VTI1A: variants seen among roughly 807,000 people sequenced by gnomAD.
VTI1A encodes vesicle transport through interaction with t-SNAREs homolog 1A.
VTI1A carries 22 observed loss-of-function variants against 34.9 expected under a neutral mutation model. The ratio of observed to expected loss-of-function variants is 0.63; its 90% CI spans 0.45 to 0.90. The LOEUF is 0.90. Ranked by LOEUF, VTI1A falls within the 40% of genes least tolerant of loss-of-function variation. The pLI is 0.00. For synonymous variants in VTI1A, 87 were observed against 97.3 expected (o/e 0.89, Z 0.62); for missense variants, 268 against 275.6 (o/e 0.97, Z 0.20).
At chr10:112,681,332 C>CA (rs946561400) in intron 7 of VTI1A, among the ~76,000 whole-genome samples, 1 of 152,136 alleles carries the variant, frequency 6.6e-6, no homozygotes, top group Non-Finnish European at 1.5e-5. Flanking sequence ...CCTCTTGCCT[C>CA]AGCCCCCCAA....
intron 7 of VTI1A, among the ~76,000 whole-genome samples, chr10:112,673,268 GTCACA>G (rs1847913573): frequency 6.7e-6 from 1 of 149,646 alleles, no homozygotes; most frequent in Non-Finnish European, 1.5e-5. Flanking sequence ...GCGAGCCGAG[GTCACA>G]TCACTGCACT....
intron 3 of VTI1A, among the ~76,000 whole-genome samples, chr10:112,465,595 A>T (rs1472693012): frequency 6.6e-6 from 1 of 152,260 alleles, no homozygotes; most frequent in African/African-American, 2.4e-5. Context: ...ATGCTATGTG[A>T]AATAAGTCAC....
intron 3 of VTI1A, among the ~76,000 whole-genome samples, chr10:112,484,783 A>G (rs971532998): frequency 6.6e-5 from 10 of 151,788 alleles, no homozygotes; most frequent in African/African-American, 2.4e-4. Flanking sequence ...CAAACTTTTT[A>G]GGAGAAACAT....
intron 7 of VTI1A, among the ~76,000 whole-genome samples, chr10:112,700,144 A>AC (rs1848957189): frequency 6.6e-6 from 1 of 150,944 alleles, no homozygotes; most frequent in South Asian, 2.1e-4. Context: ...AACAAAACAA[A>AC]AAAAAAAAAA....
chr10:112,702,923 T>C (rs142003303), intron 7 of VTI1A, among the ~76,000 whole-genome samples: 1,697 of 152,302 alleles, frequency 0.011, 15 homozygotes, highest in South Asian at 0.042. Flanking sequence ...TATATTACTT[T>C]AGTAGGTACC....
chr10:112,815,488 CCTCT>C lies in VTI1A; in HGVS notation c.*111_*114del. The stretch of plus-strand genomic sequence containing the variant: ...GTTGCGCTGACAGGCCCCAGGTGAC[CCTCT>C]CTCTCCCTCACCGCCGTTGGGCTGA... On this transcript the variant is annotated 3_prime_UTR_variant, in exon 8 of 8. Transcript: ENST00000393077. The C allele has an allele frequency of 1.1e-6, 1 of 921,502 alleles. No homozygotes were observed. Among genetic ancestry groups the C allele is most frequent in the Admixed American group, 1.9e-5 (1 of 51,300 alleles). 57.1% of individuals were successfully genotyped at this position (921,502 alleles called of 1,614,324 possible).
intron 1 of VTI1A, among the ~76,000 whole-genome samples, chr10:112,460,070 C>T (rs1847681703): frequency 6.6e-6 from 1 of 152,142 alleles, no homozygotes; most frequent in Admixed American, 6.5e-5. Flanking sequence ...ACCTGATTCT[C>T]CATGCTACTG....
At chr10:112,848,252 G>T in the VTI1A span, among the ~76,000 whole-genome samples, 1 of 152,200 alleles carries the variant, frequency 6.6e-6, no homozygotes, top group Admixed American at 6.5e-5. Flanking sequence ...CCAGTTCTTT[G>T]TGTGGCCAGG....
intron 7 of VTI1A, among the ~76,000 whole-genome samples, chr10:112,676,586 T>C (rs1010635478): frequency 6.6e-6 from 1 of 152,190 alleles, no homozygotes; most frequent in Non-Finnish European, 1.5e-5. Flanking sequence ...TCTAGCCTTG[T>C]TTGCTGCTGC....
intron 5 of VTI1A, among the ~76,000 whole-genome samples, chr10:112,637,408 C>G (rs1282508765): frequency 6.6e-6 from 1 of 152,202 alleles, no homozygotes; most frequent in Non-Finnish European, 1.5e-5. Flanking sequence ...GTGGCTCACG[C>G]CTGTAATCCC....
intron 3 of VTI1A, among the ~76,000 whole-genome samples, chr10:112,497,535 T>G (rs568262071): frequency 1.2e-4 from 18 of 152,282 alleles, no homozygotes; most frequent in Non-Finnish European, 2.4e-4. Context: ...CTCACAGCTC[T>G]TAGAATAATG....
At position 112,606,270 on chromosome 10, in the gene VTI1A, C is replaced by T. The variant is rs146360433; in HGVS notation, c.428-61948C>T. Among the ~76,000 whole-genome samples, 407 of 152,150 alleles carry T rather than the reference C, an allele frequency of 2.7e-3. 3 individuals carry two copies. Among genetic ancestry groups the T allele is most frequent in the African/African-American group, 9.1e-3 (377 of 41,512 alleles). Reference sequence around the variant, plus strand: ...GAACTCCTGACCTCAGGTGATCCACCGACTTCGGCCTCCCAAAGTGCTGGG... The same window carrying T: ...GAACTCCTGACCTCAGGTGATCCACTGACTTCGGCCTCCCAAAGTGCTGGG... On this transcript the variant is annotated intron_variant, in intron 5 of 7. Coordinates refer to ENST00000393077, the MANE Select transcript of VTI1A (RefSeq NM_145206.4).
intron 7 of VTI1A, among the ~76,000 whole-genome samples, chr10:112,766,213 T>G (rs530563842): frequency 6.6e-6 from 1 of 152,254 alleles, no homozygotes; most frequent in South Asian, 2.1e-4. Flanking sequence ...AAAGAAGGCG[T>G]TCCGTGGAAA....
At chr10:112,583,600 A>G (rs1844035624) in intron 5 of VTI1A, among the ~76,000 whole-genome samples, 1 of 152,218 alleles carries the variant, frequency 6.6e-6, no homozygotes, top group Admixed American at 6.5e-5. Flanking sequence ...TATCATGGTA[A>G]TGGCACCTGT....
chr10:112,728,854 T>C (rs577290433), intron 7 of VTI1A, among the ~76,000 whole-genome samples: 26 of 152,252 alleles, frequency 1.7e-4, no homozygotes, highest in African/African-American at 6.0e-4. Flanking sequence ...TTTATGTTAG[T>C]AGATTTTTTT....
At chr10:112,558,184 G>A (rs1851599146) in intron 5 of VTI1A, among the ~76,000 whole-genome samples, 1 of 152,216 alleles carries the variant, frequency 6.6e-6, no homozygotes, top group South Asian at 2.1e-4. Context: ...GGTGGAGACA[G>A]AGAAATCACA....
chr10:112,838,860 C>A, the VTI1A span, among the ~76,000 whole-genome samples: 538 of 152,348 alleles, frequency 3.5e-3, 14 homozygotes, highest in Admixed American at 0.033. Flanking sequence ...CCTCCCTGAG[C>A]CTCACTTTGT....
intron 7 of VTI1A, among the ~76,000 whole-genome samples, chr10:112,681,083 T>C (rs554183896): frequency 1.3e-5 from 2 of 151,402 alleles, no homozygotes; most frequent in East Asian, 1.9e-4. Flanking sequence ...CTTTTCTTTT[T>C]TTTTTTTTTA....
intron 3 of VTI1A, among the ~76,000 whole-genome samples, chr10:112,507,615 T>G (rs1313977943): frequency 6.6e-6 from 1 of 152,166 alleles, no homozygotes; most frequent in Admixed American, 6.5e-5. Context: ...CGGACTTCCT[T>G]TAGTTCTGCT....
Sources: allele counts gnomAD v4.1 joint callset (sites outside exome capture counted in the v4.1 genomes callset), GRCh38; gene constraint gnomAD v4.1.1; transcripts MANE v1.5; gene names NCBI Gene and HGNC (gene_info 2026-07-23, HGNC 2026-07-21).